The following BIRC6 variants were observed in gnomAD, a reference collection of about 807,000 sequenced individuals.
BIRC6 encodes the protein dual E2 ubiquitin-conjugating enzyme/E3 ubiquitin-protein ligase BIRC6.
BIRC6 carries 98 observed loss-of-function variants against 503.3 expected under a neutral mutation model. That is an observed-to-expected ratio of 0.19 (90% CI 0.17 to 0.23). The LOEUF is 0.23. BIRC6 is among the 10% of genes least tolerant of loss of function. The probability of loss-of-function intolerance (pLI) is 1.00; values close to 1 mark genes in which losing one functional copy is unlikely to be tolerated. For missense variants in BIRC6, 5,360 were observed against 5,806.0 expected, an observed-to-expected ratio of 0.92 and a Z score of 2.50; for synonymous variants, 2,240 against 2,078.7, an observed-to-expected ratio of 1.08 and a Z score of -2.11.
At chr2:32,404,291 T>G (rs1212276366) in intron 8 of BIRC6, among the ~76,000 whole-genome samples, 1 of 152,090 alleles carries the variant, frequency 6.6e-6, no homozygotes, top group Non-Finnish European at 1.5e-5. Context: ...TTCATGTAAG[T>G]GTACAATTTA....
At chr2:32,492,994 T>C (rs1558881563) in intron 44 of BIRC6, among the ~76,000 whole-genome samples, 1 of 151,880 alleles carries the variant, frequency 6.6e-6, no homozygotes, top group Admixed American at 6.5e-5. Context: ...ATTTCTTTCA[T>C]TGATGAATTA....
At chr2:32,365,649 T>C (rs890970046) in intron 1 of BIRC6, among the ~76,000 whole-genome samples, 3 of 152,040 alleles carry the variant, frequency 2.0e-5, no homozygotes, top group Non-Finnish European at 4.4e-5. Flanking sequence ...TTAAATTATA[T>C]AGTTCAGTTC....
chr2:32,472,362 C>A (rs1208373793), intron 32 of BIRC6, among the ~76,000 whole-genome samples: 1 of 152,086 alleles, frequency 6.6e-6, no homozygotes, highest in Non-Finnish European at 1.5e-5. Context: ...AGCTACTGCA[C>A]CTGGCTGAGA....
intron 23 of BIRC6, among the ~76,000 whole-genome samples, chr2:32,457,793 T>C (rs1218999671): frequency 6.6e-6 from 1 of 152,130 alleles, no homozygotes; most frequent in Admixed American, 6.5e-5. Flanking sequence ...TTCAATTAGG[T>C]TTTTTGGGAA....
chr2:32,427,396 C>T (rs1438672857), intron 10 of BIRC6, among the ~76,000 whole-genome samples: 1 of 152,086 alleles, frequency 6.6e-6, no homozygotes, highest in Non-Finnish European at 1.5e-5. Context: ...GATTCTCCTT[C>T]CTCAGCCTCC....
At chr2:32,565,408 G>A (rs2059469562) in intron 65 of BIRC6, 1 of 152,094 alleles carries the variant, frequency 6.6e-6, no homozygotes, top group African/African-American at 2.4e-5. Flanking sequence ...TTTTTCTTAA[G>A]TATTCTGTTC....
chr2:32,603,955 C>G (rs1314981150), intron 71 of BIRC6, among the ~76,000 whole-genome samples: 1 of 151,760 alleles, frequency 6.6e-6, no homozygotes, highest in Admixed American at 6.6e-5. Flanking sequence ...TAAGAAAACA[C>G]TTTAGCTTGG....
chr2:32,583,607 A>G (rs935773128), intron 66 of BIRC6, among the ~76,000 whole-genome samples: 3 of 152,250 alleles, frequency 2.0e-5, no homozygotes, highest in African/African-American at 7.2e-5. Context: ...AGAGTTAAGT[A>G]TTCTCAGGAT....
rs1013986038 is a variant in BIRC6 at position 32,481,336 on chromosome 2, C to T, written c.7425C>T (p.Ser2475=). The T allele has an allele frequency of 1.9e-6, 3 of 1,607,224 alleles. No individual in the cohort carries two copies. Among genetic ancestry groups the T allele is most frequent in the Admixed American group, 3.4e-5 (2 of 59,296 alleles). ...THDITGAPPL[S]SLEKDKEIDL... ...TATTTGAAGGTGCACCTCCTCTGTC[C>T]TCTTTGGAAAAAGATAAAGAAATTG... Residue 2475 remains serine, a synonymous_variant, in exon 38 of 74, where the codon TCC becomes TCT. Coordinates refer to ENST00000421745, the MANE Select transcript of BIRC6 (RefSeq NM_016252.4).
At chr2:32,498,548 G>T (rs908945230) in intron 45 of BIRC6, among the ~76,000 whole-genome samples, 1 of 151,964 alleles carries the variant, frequency 6.6e-6, no homozygotes, top group Non-Finnish European at 1.5e-5. Flanking sequence ...ACACAATACT[G>T]TGCAACCTTT....
rs751803653 is a variant in BIRC6 at position 32,578,801 on chromosome 2, A to AAAAT, written c.13355+3437_13355+3440dup. On this transcript the variant is annotated intron_variant, in intron 66 of 73. Transcript: ENST00000421745. ...GCAACAGAGGGAAACTCTGTCTCAAAAAATACATACATACATACATACATA... is the reference window on the plus strand; with the variant it reads ...GCAACAGAGGGAAACTCTGTCTCAAAAAATAAATACATACATACATACATACATA... 4.6e-3 allele frequency among the ~76,000 whole-genome samples: 689 copies of AAAAT among 149,202 alleles called. 14 individuals carry two copies. Among genetic ancestry groups the AAAAT allele is most frequent in the Middle Eastern group, 0.037 (11 of 294 alleles).
At position 32,401,602 on chromosome 2, in the gene BIRC6, T is replaced by C. The variant is rs1439496471; in HGVS notation, c.1397T>C (p.Ile466Thr). The C allele has an allele frequency of 6.2e-7, 1 of 1,613,296 alleles. No individual in the cohort carries two copies. Among genetic ancestry groups the C allele is most frequent in the Non-Finnish European group, 8.5e-7 (1 of 1,179,728 alleles). Residue 466 changes from isoleucine (I) to threonine (T), a missense_variant, in exon 8 of 74, where the codon ATA becomes ACA. By Grantham distance (89) the Ile-to-Thr change is moderately conservative. Around this residue, in one of 16 missense-constraint regions of BIRC6, gnomAD observed 700 missense variants for 739.3 expected, o/e 0.95. Transcript: ENST00000421745. Reference sequence around the variant, plus strand: ...GAGGACTCCTCTAGTTGCTCAGATATACCAAAATTGGAAGGAGATAGGTAT... The same window carrying C: ...GAGGACTCCTCTAGTTGCTCAGATACACCAAAATTGGAAGGAGATAGGTAT... ...WLEDSSSCSD[I>T]PKLEGDSDDL...
chr2:32,487,589 C>G, intron 40 of BIRC6, 58 bp from the exon 41 acceptor site: 1 of 1,470,050 alleles, frequency 6.8e-7, no homozygotes, highest in Middle Eastern at 1.8e-4. Context: ...TATGAATAAC[C>G]AGTTAACACA....
At chr2:32,478,259 C>G (rs2049991590) in intron 35 of BIRC6, among the ~76,000 whole-genome samples, 1 of 151,974 alleles carries the variant, frequency 6.6e-6, no homozygotes, top group South Asian at 2.1e-4. Flanking sequence ...ATTGCTTGAA[C>G]CTGGGGGCGA....
rs758911073 is a variant in BIRC6, at chr2:32,593,919, A to G, written c.13360A>G (p.Lys4454Glu). 2 of 1,608,590 alleles carry G rather than the reference A, an allele frequency of 1.2e-6. No homozygotes were observed. The highest frequency in any genetic ancestry group is 1.7e-6 in the Non-Finnish European group (2 of 1,178,312). The change falls in exon 67 of 74, where the codon AAA becomes GAA. Residue 4454 changes from lysine (K) to glutamate (E), a missense_variant. Physicochemically the swap from Lys to Glu is moderately conservative, Grantham distance 56. This residue lies in a region of BIRC6 where 477 missense variants were observed against 574.4 expected (regional missense o/e 0.83). Transcript: ENST00000421745. ...TTCCATATTAAAAAAATTCAGATCT[A>G]AAAGGGAAAATGTTAAAACAGGAGT... ...VDTYTNRLRSKRENVKTGVKP... is the reference protein window; with the variant it reads ...VDTYTNRLRSERENVKTGVKP...
Position 32,357,431 on chromosome 2 carries a change from C to T in BIRC6, c.270C>T (p.Thr90=). Residue 90 remains threonine, a synonymous_variant, in exon 1 of 74, where the codon ACC becomes ACT. Transcript: ENST00000421745. The surrounding 1 kb of genome is among the most constrained non-coding windows in gnomAD (Gnocchi z 4.9). ...TCCTGGCCGTCACTAGCCGCGGGAC[C>T]ATCAAAGTCATCGACGGCACCTCGG... ...NAILAVTSRG[T]IKVIDGTSGA... 1 of 1,550,064 alleles carries T rather than the reference C, an allele frequency of 6.5e-7. No individual in the cohort carries two copies.
rs1414840742 is a variant in BIRC6 at position 32,380,056 on chromosome 2, T to G, written c.508-97T>G. ...TTAGTATAGTACCTGTCATAATCAT[T>G]GCATATTAAAATATCTGAAAGAGGA... On this transcript the variant is annotated intron_variant, in intron 2 of 73. Transcript: ENST00000421745. The G allele has an allele frequency of 4.8e-6, 4 of 829,158 alleles. No individual in the cohort carries two copies. In the African/African-American group the frequency reaches 6.9e-5, roughly 14 times the overall value. The allele number at this position is 829,158 out of a possible 1,614,324, so 51.4% of individuals were successfully genotyped here.
intron 59 of BIRC6, chr2:32,527,682 G>C (rs1192956237): frequency 6.6e-6 from 1 of 152,474 alleles, no homozygotes; most frequent in East Asian, 1.9e-4. Flanking sequence ...GAAAAAAAAT[G>C]ATGTCTGACC....
chr2:32,604,210 C>A (rs924260247), intron 71 of BIRC6, among the ~76,000 whole-genome samples: 3 of 152,148 alleles, frequency 2.0e-5, no homozygotes, highest in African/African-American at 7.2e-5. Context: ...TCTAAATGTA[C>A]AGATAACTTT....
Sources: allele counts gnomAD v4.1 joint callset (sites outside exome capture counted in the v4.1 genomes callset), GRCh38; gene constraint gnomAD v4.1.1; regional missense constraint gnomAD v4.1.1; non-coding constraint Gnocchi (gnomAD v3.1); transcripts MANE v1.5; gene names NCBI Gene and HGNC (gene_info 2026-07-23, HGNC 2026-07-21).